The following NRXN1 variants were observed in gnomAD, a reference collection of about 807,000 sequenced individuals.
NRXN1 encodes neurexin 1.
In NRXN1, 39 loss-of-function variants were observed where a neutral mutation model predicts 150.9. The observed-to-expected ratio is 0.26, with a 90% CI of 0.20 to 0.34. The LOEUF is 0.34. Ranked by LOEUF, NRXN1 falls within the 10% of genes least tolerant of loss-of-function variation. The probability of loss-of-function intolerance (pLI) is 1.00; values close to 1 mark genes in which losing one functional copy is unlikely to be tolerated. For synonymous variants in NRXN1, 924 were observed against 757.0 expected, an observed-to-expected ratio of 1.22 and a Z score of -3.62; for missense variants, 1,815 against 1,949.9, an observed-to-expected ratio of 0.93 and a Z score of 1.30.
intron 2 of NRXN1, among the ~76,000 whole-genome samples, chr2:51,021,586 A>G (rs1004862736): frequency 2.6e-5 from 4 of 151,992 alleles, no homozygotes; most frequent in African/African-American, 9.7e-5. Context: ...ATGCTGAAAA[A>G]TATAACCTAC....
At chr2:50,559,986 T>A (rs1668818607) in intron 8 of NRXN1, among the ~76,000 whole-genome samples, 1 of 152,210 alleles carries the variant, frequency 6.6e-6, no homozygotes, top group African/African-American at 2.4e-5. Context: ...AAAATTAGTA[T>A]TTTATGATTA....
At chr2:50,892,225 T>A (rs931432601) in intron 5 of NRXN1, among the ~76,000 whole-genome samples, 1 of 152,014 alleles carries the variant, frequency 6.6e-6, no homozygotes, top group Non-Finnish European at 1.5e-5. Flanking sequence ...TAGGTGAAAA[T>A]GTCCTGACAG....
At chr2:49,953,405 G>A (rs1278423905) in intron 21 of NRXN1, among the ~76,000 whole-genome samples, 1 of 152,046 alleles carries the variant, frequency 6.6e-6, no homozygotes, top group African/African-American at 2.4e-5. Context: ...AGGATCCAGT[G>A]TCTTCTAGTT....
chr2:50,051,783 T>C (rs139747538), intron 21 of NRXN1, among the ~76,000 whole-genome samples: 147 of 152,240 alleles, frequency 9.7e-4, no homozygotes, highest in African/African-American at 3.3e-3. Flanking sequence ...TTTCGTTTGC[T>C]GTTACCAATA....
chr2:50,819,580 A>C (rs577397176), intron 5 of NRXN1, among the ~76,000 whole-genome samples: 2 of 152,214 alleles, frequency 1.3e-5, no homozygotes, highest in Admixed American at 6.5e-5. Context: ...CAGTCACGCA[A>C]GGTGAAAAAA....
intron 2 of NRXN1, among the ~76,000 whole-genome samples, chr2:50,931,616 C>A (rs746048645): frequency 6.6e-6 from 1 of 152,054 alleles, no homozygotes; most frequent in African/African-American, 2.4e-5. Context: ...GGAAGCTATT[C>A]CTTGGAAGGA....
intron 2 of NRXN1, among the ~76,000 whole-genome samples, chr2:50,932,616 C>T (rs1558444366): frequency 6.6e-6 from 1 of 152,016 alleles, no homozygotes; most frequent in East Asian, 1.9e-4. Context: ...ACAAGATACA[C>T]ATTAGGTACA....
intron 21 of NRXN1, among the ~76,000 whole-genome samples, chr2:50,035,841 C>A (rs1689952750): frequency 2.0e-5 from 3 of 152,074 alleles, no homozygotes; most frequent in African/African-American, 7.2e-5. Flanking sequence ...ATTTATGTAC[C>A]TTATGGTAAA....
chr2:50,384,099 T>C (rs2081153884), intron 17 of NRXN1, among the ~76,000 whole-genome samples: 1 of 152,224 alleles, frequency 6.6e-6, no homozygotes. Context: ...TATCTGTTTC[T>C]GCCTTGTGTA....
At chr2:50,214,204 T>C (rs1399276468) in intron 18 of NRXN1, among the ~76,000 whole-genome samples, 2 of 151,972 alleles carry the variant, frequency 1.3e-5, no homozygotes, top group East Asian at 3.9e-4. Flanking sequence ...AGATATTGGA[T>C]AATTTTCATC....
intron 5 of NRXN1, among the ~76,000 whole-genome samples, chr2:50,879,309 G>A (rs1574805930): frequency 6.6e-6 from 1 of 151,812 alleles, no homozygotes; most frequent in Non-Finnish European, 1.5e-5. Context: ...GGCCCTACAT[G>A]AGCCACTTTC....
At chr2:50,264,660 C>T (rs1188354497) in intron 17 of NRXN1, among the ~76,000 whole-genome samples, 1 of 151,970 alleles carries the variant, frequency 6.6e-6, no homozygotes, top group Non-Finnish European at 1.5e-5. Flanking sequence ...CTAAGTGGTA[C>T]AATGAAATGA....
At chr2:49,995,234 T>C (rs576396303) in intron 21 of NRXN1, among the ~76,000 whole-genome samples, 2 of 152,326 alleles carry the variant, frequency 1.3e-5, no homozygotes, top group South Asian at 4.1e-4. Context: ...TGTAATTTCT[T>C]CCAATTAGAT....
At chr2:50,019,570 A>G (rs1573444007) in intron 21 of NRXN1, among the ~76,000 whole-genome samples, 1 of 125,320 alleles carries the variant, frequency 8.0e-6, no homozygotes, top group Non-Finnish European at 1.6e-5. Flanking sequence ...TGAACCCGGG[A>G]GGCTGAGGTT....
intron 2 of NRXN1, among the ~76,000 whole-genome samples, chr2:50,967,152 A>G (rs1230234508): frequency 6.6e-6 from 1 of 151,892 alleles, no homozygotes; most frequent in Non-Finnish European, 1.5e-5. Context: ...TAATCCCACA[A>G]TAGGCTGTGG....
At chr2:50,371,722 A>G (rs895020929) in intron 17 of NRXN1, among the ~76,000 whole-genome samples, 4 of 151,462 alleles carry the variant, frequency 2.6e-5, no homozygotes, top group Non-Finnish European at 5.9e-5. Context: ...ATTTTATCAG[A>G]CCCTCAAAAT....
At chr2:50,909,416 T>C (rs1211904535) in intron 5 of NRXN1, among the ~76,000 whole-genome samples, 1 of 152,046 alleles carries the variant, frequency 6.6e-6, no homozygotes, top group Admixed American at 6.6e-5. Context: ...AATTTGTGAC[T>C]TCATTATTTG....
At chr2:49,963,191 C>T (rs1676304640) in intron 21 of NRXN1, among the ~76,000 whole-genome samples, 1 of 152,140 alleles carries the variant, frequency 6.6e-6, no homozygotes, top group African/African-American at 2.4e-5. Context: ...GCTCAATATG[C>T]TTCCTTTTAA....
At chr2:50,785,543 C>A (rs945416483) in intron 5 of NRXN1, among the ~76,000 whole-genome samples, 2 of 152,132 alleles carry the variant, frequency 1.3e-5, no homozygotes, top group African/African-American at 4.8e-5. Context: ...CCACCGTGCC[C>A]AGCCCCACAC....
Sources: allele counts gnomAD v4.1 joint callset (sites outside exome capture counted in the v4.1 genomes callset), GRCh38; gene constraint gnomAD v4.1.1; transcripts MANE v1.5; gene names NCBI Gene and HGNC (gene_info 2026-07-23, HGNC 2026-07-21).